The following SACS variants were observed in gnomAD, a reference collection of about 807,000 sequenced individuals.
SACS encodes the protein sacsin.
SACS carries 197 observed loss-of-function variants against 348.0 expected under a neutral mutation model. The ratio of observed to expected loss-of-function variants is 0.57; its 90% CI spans 0.50 to 0.64. The LOEUF is 0.64. Ranked by LOEUF, SACS falls within the 30% of genes least tolerant of loss-of-function variation. The pLI is 0.00. For synonymous variants in SACS, 1,985 were observed against 1,910.6 expected (o/e 1.04, Z -1.02); for missense variants, 4,999 against 5,360.8 (o/e 0.93, Z 2.11).
intron 1 of SACS, among the ~76,000 whole-genome samples, chr13:23,415,651 C>T (rs889758783): frequency 6.6e-6 from 1 of 152,138 alleles, no homozygotes; most frequent in Non-Finnish European, 1.5e-5. Context: ...TGATCTTTGG[C>T]CTACTTGTGC....
chr13:23,371,926 C>T (rs1871413129), intron 3 of SACS, among the ~76,000 whole-genome samples: 1 of 152,178 alleles, frequency 6.6e-6, no homozygotes, highest in Admixed American at 6.6e-5. Flanking sequence ...CATAAATGAT[C>T]ATTCTATTGT....
chr13:23,406,475 T>C (rs1004555020), intron 2 of SACS, among the ~76,000 whole-genome samples: 8 of 152,214 alleles, frequency 5.3e-5, no homozygotes, highest in Non-Finnish European at 8.8e-5. Flanking sequence ...ACATGTATAC[T>C]TATGTAACAA....
At position 23,416,608 on chromosome 13, in the gene SACS, T is replaced by G. The variant is rs529518644; in HGVS notation, c.-501-4868A>C. On this transcript the variant is annotated intron_variant, in intron 1 of 9. Coordinates refer to ENST00000382292, the MANE Select transcript of SACS (RefSeq NM_014363.6). ...CCCCGTCTCTACTAAAAATACAAAA[T>G]TAGCTGGGCGTGGTGGCGCATGTCT... Among the ~76,000 whole-genome samples the G allele has an allele frequency of 6.6e-5, 10 of 151,562 alleles. No individual in the cohort carries two copies. The South Asian group carries it at 1.7e-3, about 25-fold the overall frequency.
At chr13:23,394,782 G>C (rs777924745) in intron 2 of SACS, among the ~76,000 whole-genome samples, 34 of 152,168 alleles carry the variant, frequency 2.2e-4, no homozygotes, top group Middle Eastern at 3.2e-3. Context: ...CTGAACCCGG[G>C]AGACAGAGGT....
chr13:23,421,075 C>T (rs183502434), intron 1 of SACS, among the ~76,000 whole-genome samples: 1 of 152,120 alleles, frequency 6.6e-6, no homozygotes, highest in Admixed American at 6.5e-5. Flanking sequence ...ACCTGGTGTG[C>T]ACCTAGGGCC....
At chr13:23,365,325 T>C in intron 5 of SACS, 48 bp from the exon 6 acceptor site, 1 of 1,012,160 alleles carries the variant, frequency 9.9e-7, no homozygotes, top group Non-Finnish European at 1.5e-6. Context: ...CACAGTAATC[T>C]ACTGCTCATC....
At chr13:23,368,853 C>A (rs1386833176) in intron 4 of SACS, among the ~76,000 whole-genome samples, 1 of 152,110 alleles carries the variant, frequency 6.6e-6, no homozygotes, top group Non-Finnish European at 1.5e-5. Context: ...TGCCCACCAC[C>A]ATGCCCAGCT....
intron 7 of SACS, among the ~76,000 whole-genome samples, 197 bp from the exon 8 acceptor site, chr13:23,356,204 C>G (rs1017005420): frequency 1.3e-5 from 2 of 152,210 alleles, no homozygotes; most frequent in Non-Finnish European, 2.9e-5. Context: ...AATCCAATAA[C>G]AAATGCCAGG....
intron 2 of SACS, among the ~76,000 whole-genome samples, chr13:23,380,817 T>A (rs866253809): frequency 3.3e-5 from 5 of 152,212 alleles, no homozygotes; most frequent in Middle Eastern, 6.8e-3. Context: ...AACAGAGAGA[T>A]TTACCCTGAA....
chr13:23,349,467 G>T (rs1869820006), intron 9 of SACS, among the ~76,000 whole-genome samples: 1 of 152,172 alleles, frequency 6.6e-6, no homozygotes, highest in Non-Finnish European at 1.5e-5. Flanking sequence ...GCTACCATTT[G>T]TCAGTATTAT....
chr13:23,421,306 A>G (rs746874663), intron 1 of SACS, among the ~76,000 whole-genome samples: 12 of 151,704 alleles, frequency 7.9e-5, no homozygotes, highest in Non-Finnish European at 1.5e-4. Flanking sequence ...GCTCTGGTCT[A>G]GGTATACCCC....
intron 5 of SACS, among the ~76,000 whole-genome samples, chr13:23,367,782 C>T (rs542744087): frequency 3.3e-5 from 5 of 152,070 alleles, no homozygotes; most frequent in Non-Finnish European, 7.4e-5. Flanking sequence ...TTAATAGAGA[C>T]GGGGTTTCGC....
At chr13:23,374,801 G>A (rs1464934243) in intron 3 of SACS, among the ~76,000 whole-genome samples, 1 of 151,774 alleles carries the variant, frequency 6.6e-6, no homozygotes, top group Non-Finnish European at 1.5e-5. Flanking sequence ...TACATAAATA[G>A]AAATAAATGA....
In SACS at chr13:23,355,721, C is replaced by T. The variant is rs2137727218; in HGVS notation, c.891G>A (p.Glu297=). ...CTGTGTCTGCATCTGCCCTAAAAGACTCAAACAACTCAAGAACCTTCTGCT... is the reference window on the plus strand; with the variant it reads ...CTGTGTCTGCATCTGCCCTAAAAGATTCAAACAACTCAAGAACCTTCTGCT... ...YNKQKVLELF[E]SFRADADTVL... The change falls in exon 8 of 10, where the codon GAG becomes GAA. Residue 297 remains glutamate, a synonymous_variant. Coordinates refer to ENST00000382292, the MANE Select transcript of SACS (RefSeq NM_014363.6). 1 of 1,614,138 alleles carries T rather than the reference C, an allele frequency of 6.2e-7. No homozygotes were observed. The highest frequency in any genetic ancestry group is 8.5e-7 in the Non-Finnish European group (1 of 1,180,032).
At chr13:23,395,253 C>G (rs1872669233) in intron 2 of SACS, among the ~76,000 whole-genome samples, 1 of 152,232 alleles carries the variant, frequency 6.6e-6, no homozygotes, top group East Asian at 1.9e-4. Context: ...AGTATGGGAG[C>G]TTCTCAGTCA....
At chr13:23,381,432 G>A (rs9550962) in intron 2 of SACS, among the ~76,000 whole-genome samples, 35,087 of 150,736 alleles carry the variant, frequency 0.23, 4,217 homozygotes, top group South Asian at 0.35. Context: ...AGCATGAAGC[G>A]CGCGCACACA....
At chr13:23,393,529 C>T (rs1277588767) in intron 2 of SACS, among the ~76,000 whole-genome samples, 2 of 152,124 alleles carry the variant, frequency 1.3e-5, no homozygotes, top group African/African-American at 4.8e-5. Flanking sequence ...TCTTCAGCTA[C>T]GTGGACCCCA....
At position 23,334,351 on chromosome 13, in the gene SACS, T is replaced by C. The variant is rs369043814; in HGVS notation, c.9525A>G (p.Thr3175=). 2.3e-5 allele frequency: 37 copies of C among 1,612,424 alleles called. No homozygotes were observed. The highest frequency in any genetic ancestry group is 2.9e-5 in the Non-Finnish European group (34 of 1,179,240). ...TFDAKRPKFL[T]TYHELIPSRK... ...GGGATGGAATCAATTCATGATATGT[T>C]GTTAGAAACTTGGGTCGTTTTGCAT... Residue 3175 remains threonine (T), a synonymous_variant, in exon 10 of 10, where the codon ACA becomes ACG. Transcript: ENST00000382292.
intron 2 of SACS, among the ~76,000 whole-genome samples, chr13:23,387,295 TAAA>T (rs368611035): frequency 1.0e-3 from 158 of 151,720 alleles, no homozygotes; most frequent in African/African-American, 3.8e-3. Flanking sequence ...CAGTCTCTAC[TAAA>T]AAACACAAAA....
Sources: gnomAD v4.1 joint callset for allele counts (sites outside exome capture counted in the v4.1 genomes callset) on GRCh38, gnomAD v4.1.1 for gene constraint, MANE v1.5 for transcripts, NCBI Gene and HGNC (gene_info 2026-07-23, HGNC 2026-07-21) for gene names.